Variants in ADAMTS9 observed in about 807,000 individuals in gnomAD.
ADAMTS9 encodes the protein ADAM metallopeptidase with thrombospondin type 1 motif 9.
A neutral mutation model predicts 257.1 loss-of-function variants in ADAMTS9; 107 were observed. The observed-to-expected ratio is 0.42, with a 90% confidence interval of 0.36 to 0.49. The LOEUF (loss-of-function observed/expected upper bound fraction) is 0.49. Ranked by LOEUF, ADAMTS9 falls within the 20% of genes least tolerant of loss-of-function variation. The pLI is 0.03. For missense variants in ADAMTS9, 2,353 were observed against 2,469.1 expected (o/e 0.95, Z 1.00); for synonymous variants, 982 against 880.9 (o/e 1.11, Z -2.03).
At position 64,686,979 on chromosome 3, in the gene ADAMTS9, A is replaced by G; in HGVS notation, c.116-11T>C. 1 of 1,610,440 alleles carries G rather than the reference A, an allele frequency of 6.2e-7. No individual in the cohort carries two copies. Among genetic ancestry groups the G allele is most frequent in the South Asian group, 1.1e-5 (1 of 90,666 alleles). On this transcript the variant is annotated splice_polypyrimidine_tract_variant and intron_variant, in intron 1 of 39. Transcript: ENST00000498707. This position sits in a 1 kb window ranked among gnomAD's most constrained non-coding sequence, Gnocchi z 4.6. ...TCTCTAATAATTTCACTGCGGAGAG[A>G]AGCAGAGGTATATGAACCAATAATT...
intron 2 of ADAMTS9, among the ~76,000 whole-genome samples, chr3:64,682,597 C>T (rs925675448): frequency 2.6e-5 from 4 of 152,096 alleles, no homozygotes; most frequent in Admixed American, 1.3e-4. Context: ...TCTCATTTCC[C>T]GTGCTGGAAA....
intron 37 of ADAMTS9, 23 bp from the exon 38 acceptor site, chr3:64,533,293 G>C: frequency 6.3e-7 from 1 of 1,597,886 alleles, no homozygotes; most frequent in Non-Finnish European, 8.6e-7. Flanking sequence ...ACCAACAAAA[G>C]AGATTTTCAG....
rs746095366 is a variant in ADAMTS9 at position 64,658,562 on chromosome 3, G to T, written c.909C>A (p.Asn303Lys). The T allele has an allele frequency of 6.2e-7, 1 of 1,614,098 alleles. No homozygotes were observed. Among genetic ancestry groups the T allele is most frequent in the Non-Finnish European group, 8.5e-7 (1 of 1,180,004 alleles). ...RFVEVLVVAD[N>K]RMVSYHGENL... The stretch of plus-strand genomic sequence containing the variant: ...TTTCTCCATGGTATGAAACCATTCT[G>T]TTGTCTGCCACCACCAAGACTTCTA... Residue 303 changes from asparagine (N) to lysine (K), a missense_variant, in exon 4 of 40, where the codon AAC (asparagine) becomes AAA (lysine). By Grantham distance (94) the Asn-to-Lys change is moderately conservative. Around this residue, in one of 3 missense-constraint regions of ADAMTS9, gnomAD observed 591 missense variants for 569.6 expected, o/e 1.04. Transcript: ENST00000498707.
In ADAMTS9 at chr3:64,540,903, A is replaced by G. The variant is rs181294418; in HGVS notation, c.5521+192T>C. 2.0e-5 allele frequency among the ~76,000 whole-genome samples: 3 copies of G among 152,300 alleles called. No homozygotes were observed. The East Asian group carries it at 5.8e-4, about 29-fold the overall frequency. On this transcript the variant is annotated intron_variant, in intron 36 of 39. Coordinates refer to ENST00000498707, the MANE Select transcript of ADAMTS9 (RefSeq NM_182920.2). Reference sequence around the variant, plus strand: ...CACTGGGGAATACAGCAGTGAACAAAAGAGACAAAACTGCCTGCAGGACTA... The same window carrying G: ...CACTGGGGAATACAGCAGTGAACAAGAGAGACAAAACTGCCTGCAGGACTA...
rs1362419151 is a variant in ADAMTS9 at position 64,655,668 on chromosome 3, A to G, written c.1077T>C (p.Asn359=). ...NEQDGPSISF[N]AQTTLKNFCQ... The stretch of plus-strand genomic sequence containing the variant: ...AAAAGTTTTTTAATGTTGTCTGAGC[A>G]TTAAAAGATATGGAAGGCCCATCCT... The change falls in exon 6 of 40, where the codon AAT becomes AAC. Residue 359 remains asparagine, a synonymous_variant. Coordinates refer to ENST00000498707, the MANE Select transcript of ADAMTS9 (RefSeq NM_182920.2). The G allele has an allele frequency of 1.9e-6, 3 of 1,614,220 alleles. No individual in the cohort carries two copies. The highest frequency in any genetic ancestry group is 1.7e-5 in the Admixed American group (1 of 60,030).
chr3:64,593,958 ATGATGTGTG>A (rs756394479), intron 28 of ADAMTS9, among the ~76,000 whole-genome samples: 16,936 of 125,104 alleles, frequency 0.14, 1,216 homozygotes, highest in African/African-American at 0.22. Context: ...GTGTGTGTGT[ATGATGTGTG>A]TGTGTGTGTG....
intron 16 of ADAMTS9, among the ~76,000 whole-genome samples, chr3:64,628,656 T>C (rs1700289316): frequency 6.6e-6 from 1 of 152,208 alleles, no homozygotes; most frequent in South Asian, 2.1e-4. Context: ...CATTTGGATG[T>C]TTGGGGTAGT....
chr3:64,559,365 T>A (rs955547833), intron 30 of ADAMTS9, among the ~76,000 whole-genome samples: 4 of 152,150 alleles, frequency 2.6e-5, no homozygotes, highest in African/African-American at 9.7e-5. Context: ...TAGAATACCA[T>A]AGGAATATCA....
At chr3:64,527,610 T>C (rs1316562654) in intron 38 of ADAMTS9, among the ~76,000 whole-genome samples, 1 of 152,142 alleles carries the variant, frequency 6.6e-6, no homozygotes, top group Non-Finnish European at 1.5e-5. Context: ...GCAATGAAAT[T>C]TATCGTTGAA....
At chr3:64,645,183 T>C (rs1700756320) in intron 11 of ADAMTS9, among the ~76,000 whole-genome samples, 1 of 152,166 alleles carries the variant, frequency 6.6e-6, no homozygotes, top group African/African-American at 2.4e-5. Flanking sequence ...AGAGCCAAAA[T>C]AAAGTCAGCC....
At chr3:64,614,077 G>A (rs73832348) in intron 21 of ADAMTS9, among the ~76,000 whole-genome samples, 1,735 of 152,064 alleles carry the variant, frequency 0.011, 24 homozygotes, top group African/African-American at 0.033. Flanking sequence ...CCAAAATCTC[G>A]CTACCCAAGG....
rs183090353 is a variant in ADAMTS9, at chr3:64,632,850, A to C, written c.2175+622T>G. On this transcript the variant is annotated intron_variant, in intron 14 of 39. Transcript: ENST00000498707. Reference sequence around the variant, plus strand: ...AGGCAAAAAAAAAAAAACAAACAAAAAAAACAACCAGAGGCATCATCTCAG... The same window carrying C: ...AGGCAAAAAAAAAAAAACAAACAAACAAAACAACCAGAGGCATCATCTCAG... Among the ~76,000 whole-genome samples, 34 of 152,130 alleles carry C rather than the reference A, an allele frequency of 2.2e-4. No homozygotes were observed. The East Asian group carries it at 6.6e-3, about 29-fold the overall frequency.
chr3:64,633,341 G>C (rs1238063627), intron 14 of ADAMTS9, 131 bp downstream of exon 14: 1 of 1,353,998 alleles, frequency 7.4e-7, no homozygotes, highest in African/African-American at 1.5e-5. Context: ...CTGATCCCGG[G>C]GCCACACTTT....
chr3:64,608,258 C>CAAAAAAAAAAAAAAAAAAAAAAAACAA (rs57247914), intron 22 of ADAMTS9, among the ~76,000 whole-genome samples: 1 of 53,316 alleles, frequency 1.9e-5, no homozygotes, highest in African/African-American at 6.7e-5. Flanking sequence ...AAACTAAAAC[C>CAAAAAAAAAAAAAAAAAAAAAAAACAA]AAAAAAAAAA....
At chr3:64,653,751 C>T (rs573774459) in intron 8 of ADAMTS9, among the ~76,000 whole-genome samples, 67 of 152,232 alleles carry the variant, frequency 4.4e-4, no homozygotes, top group African/African-American at 1.5e-3. Context: ...ATGTTCTAAC[C>T]GTGCTCTATC....
Position 64,622,191 on chromosome 3 carries a change from C to A in ADAMTS9, c.2686+7G>T. The A allele has an allele frequency of 6.2e-7, 1 of 1,602,282 alleles. No homozygotes were observed. The highest frequency in any genetic ancestry group is 1.1e-5 in the South Asian group (1 of 88,782). On this transcript the variant is annotated splice_region_variant and intron_variant, in intron 18 of 39. Coordinates refer to ENST00000498707, the MANE Select transcript of ADAMTS9 (RefSeq NM_182920.2). ...AAATCCCCAGAACTCAAATTCAAAGCAGATACCTTGGCAGGGTTTACTGCA... is the reference window on the plus strand; with the variant it reads ...AAATCCCCAGAACTCAAATTCAAAGAAGATACCTTGGCAGGGTTTACTGCA...
intron 23 of ADAMTS9, among the ~76,000 whole-genome samples, chr3:64,604,996 T>C (rs1444132353): frequency 6.6e-6 from 1 of 152,234 alleles, no homozygotes; most frequent in African/African-American, 2.4e-5. Context: ...AATTATCCTG[T>C]GACTTAATAC....
In ADAMTS9 at chr3:64,686,608, T is replaced by C; in HGVS notation, c.476A>G (p.Asn159Ser). ...GCTGATGACGGCCGTGTGCTCGGAGTTGGTATTGACATAGCCTTTGTAGAA... is the reference window on the plus strand; with the variant it reads ...GCTGATGACGGCCGTGTGCTCGGAGCTGGTATTGACATAGCCTTTGTAGAA... ...HCFYKGYVNTNSEHTAVISLC... is the reference protein window; with the variant it reads ...HCFYKGYVNTSSEHTAVISLC... Residue 159 changes from asparagine (N) to serine (S), a missense_variant, in exon 2 of 40, where the codon AAC becomes AGC. This residue lies in a region of ADAMTS9 where 591 missense variants were observed against 569.6 expected (regional missense o/e 1.04). Coordinates refer to ENST00000498707, the MANE Select transcript of ADAMTS9 (RefSeq NM_182920.2). This position sits in a 1 kb window ranked among gnomAD's most constrained non-coding sequence, Gnocchi z 4.6. 6.2e-7 allele frequency: 1 copy of C among 1,613,436 alleles called. No homozygotes were observed. Among genetic ancestry groups the C allele is most frequent in the Non-Finnish European group, 8.5e-7 (1 of 1,179,842 alleles).
At position 64,654,382 on chromosome 3, in the gene ADAMTS9, A is replaced by T; in HGVS notation, c.1287T>A (p.Ala429=). 6.2e-7 allele frequency: 1 copy of T among 1,614,124 alleles called. No homozygotes were observed. Among genetic ancestry groups the T allele is most frequent in the South Asian group, 1.1e-5 (1 of 91,064 alleles). Residue 429 remains alanine (A), a synonymous_variant, in exon 8 of 40, where the codon GCT becomes GCA. Coordinates refer to ENST00000498707, the MANE Select transcript of ADAMTS9 (RefSeq NM_182920.2). ...GGCCCAGCTCATGGGCGATCGTAAA[A>T]GCTGTACTCAATCCACTATCTTCAC... The part of the protein sequence containing the change: ...SISEDSGLST[A]FTIAHELGHV...
Sources: gnomAD v4.1 joint callset for allele counts (sites outside exome capture counted in the v4.1 genomes callset) on GRCh38, gnomAD v4.1.1 for gene constraint, gnomAD v4.1.1 regional missense constraint, Gnocchi (gnomAD v3.1) non-coding constraint, MANE v1.5 for transcripts, NCBI Gene and HGNC (gene_info 2026-07-23, HGNC 2026-07-21) for gene names.